Variants in C8orf34 observed in about 807,000 individuals in gnomAD.
C8orf34 encodes uncharacterized protein C8orf34.
Under a neutral mutation model 68.3 loss-of-function variants are expected in C8orf34, and 65 were observed. The observed-to-expected ratio is 0.95, with a 90% CI of 0.78 to 1.17. The LOEUF is 1.17. Ranked by LOEUF, C8orf34 falls within the 50% of genes most tolerant of loss-of-function variation. The probability of loss-of-function intolerance (pLI) is 0.00; values close to 1 mark genes in which losing one functional copy is unlikely to be tolerated. For missense variants in C8orf34, 664 were observed against 655.4 expected (o/e 1.01, Z -0.14); for synonymous variants, 244 against 241.2 (o/e 1.01, Z -0.11).
chr8:68,803,787 TCTTAA>T (rs1292344311), intron 12 of C8orf34, among the ~76,000 whole-genome samples: 2 of 152,162 alleles, frequency 1.3e-5, no homozygotes, highest in East Asian at 1.9e-4. Context: ...GAATTATATT[TCTTAA>T]CTTAGATGGT....
intron 1 of C8orf34, among the ~76,000 whole-genome samples, chr8:68,433,754 C>T (rs1810543706): frequency 6.6e-6 from 1 of 152,202 alleles, no homozygotes; most frequent in African/African-American, 2.4e-5. Context: ...CTTACATGTT[C>T]TATCAAATGA....
chr8:68,814,594 A>G (rs11992697), intron 12 of C8orf34, among the ~76,000 whole-genome samples: 22,959 of 152,088 alleles, frequency 0.15, 1,934 homozygotes, highest in East Asian at 0.43. Context: ...AATGTTAAAT[A>G]CCCATTACTT....
chr8:68,369,944 G>A (rs1309463212), intron 1 of C8orf34, among the ~76,000 whole-genome samples: 1 of 152,148 alleles, frequency 6.6e-6, no homozygotes, highest in Non-Finnish European at 1.5e-5. Context: ...CCCCTCTCAC[G>A]CAGGGAAGCT....
At chr8:68,582,440 G>T (rs1189451363) in intron 7 of C8orf34, among the ~76,000 whole-genome samples, 1 of 152,166 alleles carries the variant, frequency 6.6e-6, no homozygotes, top group Non-Finnish European at 1.5e-5. Context: ...GAAATGTGGG[G>T]AAGGTTAGAG....
chr8:68,436,207 C>T (rs1810659214), intron 1 of C8orf34, among the ~76,000 whole-genome samples: 1 of 151,922 alleles, frequency 6.6e-6, no homozygotes, highest in African/African-American at 2.4e-5. Flanking sequence ...GAGTGAGACT[C>T]CCTATCAAAA....
intron 7 of C8orf34, among the ~76,000 whole-genome samples, chr8:68,598,784 T>C (rs1817617974): frequency 6.6e-6 from 1 of 152,084 alleles, no homozygotes; most frequent in African/African-American, 2.4e-5. Flanking sequence ...AATAGAAAAT[T>C]TGTAAGATGT....
intron 13 of C8orf34, among the ~76,000 whole-genome samples, 158 bp from the exon 14 acceptor site, chr8:68,818,081 C>A (rs1355367062): frequency 6.6e-6 from 1 of 152,040 alleles, no homozygotes; most frequent in Non-Finnish European, 1.5e-5. Flanking sequence ...ATATTGGCTG[C>A]AAATATGATT....
intron 1 of C8orf34, among the ~76,000 whole-genome samples, chr8:68,332,161 C>T (rs1805639803): frequency 1.3e-5 from 2 of 150,966 alleles, no homozygotes; most frequent in Admixed American, 1.3e-4. Context: ...CGCGAGGACA[C>T]GAGAAAATGA....
chr8:68,511,512 G>A lies in C8orf34; in HGVS notation c.766-10287G>A, dbSNP rs1379354372. Among the ~76,000 whole-genome samples, 5 of 152,174 alleles carry A rather than the reference G, an allele frequency of 3.3e-5. No individual in the cohort carries two copies. The East Asian group carries it at 5.8e-4, about 18-fold the overall frequency. On this transcript the variant is annotated intron_variant, in intron 5 of 13. Transcript: ENST00000518698. ...GAGCAGGTGACCAGCGGTGACTCAG[G>A]TCAAAGCAGATGACCAGGGGAACAT...
chr8:68,532,267 T>C (rs1392121945), intron 6 of C8orf34, among the ~76,000 whole-genome samples: 1 of 152,174 alleles, frequency 6.6e-6, no homozygotes, highest in Non-Finnish European at 1.5e-5. Context: ...ACAAAAGTTA[T>C]AGCACCATCT....
rs1029303976 is a variant in C8orf34, at chr8:68,466,758, T to C, written c.608-1934T>C. ...TTGTACATATATATATATATATATA[T>C]ATATATAGATGCTTTCATTTCTTTA... On this transcript the variant is annotated intron_variant, in intron 3 of 13. Coordinates refer to ENST00000518698, the MANE Select transcript of C8orf34 (RefSeq NM_052958.4). 3.4e-4 allele frequency among the ~76,000 whole-genome samples: 39 copies of C among 116,352 alleles called. 1 individual carries two copies. The highest frequency in any genetic ancestry group is 6.4e-4 in the Non-Finnish European group (34 of 53,092). 76.3% of individuals were successfully genotyped at this position (116,352 alleles called of 152,430 possible).
intron 8 of C8orf34, among the ~76,000 whole-genome samples, chr8:68,680,521 G>T (rs910545919): frequency 6.6e-5 from 10 of 152,060 alleles, no homozygotes; most frequent in Non-Finnish European, 1.5e-4. Context: ...TTTATTAAGG[G>T]TTTCAAAAGG....
At chr8:68,816,088 T>G (rs1824804293) in intron 13 of C8orf34, 143 bp downstream of exon 13, 1 of 1,363,384 alleles carries the variant, frequency 7.3e-7, no homozygotes, top group Non-Finnish European at 1.0e-6. Context: ...CTGCATAAGA[T>G]TATAAGATTT....
chr8:68,529,354 T>C (rs145145887), intron 6 of C8orf34, among the ~76,000 whole-genome samples: 143 of 152,366 alleles, frequency 9.4e-4, no homozygotes, highest in African/African-American at 3.3e-3. Context: ...AGCCCCCATC[T>C]TACTTGACCA....
chr8:68,405,033 CTT>C (rs1809132277), intron 1 of C8orf34, among the ~76,000 whole-genome samples: 1 of 152,086 alleles, frequency 6.6e-6, no homozygotes, highest in African/African-American at 2.4e-5. Context: ...TGTGTCCTCT[CTT>C]ATTTCCTTGA....
chr8:68,428,303 C>T (rs376789133), intron 1 of C8orf34, among the ~76,000 whole-genome samples: 8 of 151,802 alleles, frequency 5.3e-5, no homozygotes, highest in African/African-American at 9.7e-5. Flanking sequence ...ATGGCAAATA[C>T]GTGGGTACAT....
At chr8:68,528,793 A>G (rs545155445) in intron 6 of C8orf34, among the ~76,000 whole-genome samples, 1 of 152,244 alleles carries the variant, frequency 6.6e-6, no homozygotes, top group South Asian at 2.1e-4. Flanking sequence ...CATCATCCTT[A>G]TTCTTAACTA....
chr8:68,534,007 A>G, intron 7 of C8orf34: 4 of 945,236 alleles, frequency 4.2e-6, no homozygotes, highest in Non-Finnish European at 5.0e-6. Flanking sequence ...CACGTTTTAC[A>G]TATAGAATAT....
At chr8:68,330,901 G>T, upstream of C8orf34, 5 of 927,810 alleles carry the variant, frequency 5.4e-6, no homozygotes, top group Non-Finnish European at 4.5e-6. Flanking sequence ...CCCGCCCCCT[G>T]ATTCCTGCTG....
Sources: gnomAD v4.1 joint callset for allele counts (sites outside exome capture counted in the v4.1 genomes callset) on GRCh38, gnomAD v4.1.1 for gene constraint, MANE v1.5 for transcripts, NCBI Gene and HGNC (gene_info 2026-07-23, HGNC 2026-07-21) for gene names.